DLG2: variants seen among roughly 807,000 people sequenced by gnomAD.
DLG2 encodes the protein disks large homolog 2.
A neutral mutation model predicts 132.5 loss-of-function variants in DLG2; 45 were observed. The observed-to-expected ratio is 0.34, with a 90% CI of 0.27 to 0.44. The LOEUF (loss-of-function observed/expected upper bound fraction) is 0.44. DLG2 is among the 20% of genes least tolerant of loss of function. DLG2 has a pLI of 1.00. For synonymous variants in DLG2, 424 were observed against 419.6 expected, an observed-to-expected ratio of 1.01 and a Z score of -0.13; for missense variants, 1,045 against 1,196.9, an observed-to-expected ratio of 0.87 and a Z score of 1.87.
At chr11:85,391,356 C>T (rs1221512986) in intron 3 of DLG2, among the ~76,000 whole-genome samples, 1 of 152,032 alleles carries the variant, frequency 6.6e-6, no homozygotes, top group East Asian at 1.9e-4. Flanking sequence ...TGAATTATAT[C>T]AGACATTCAA....
intron 6 of DLG2, among the ~76,000 whole-genome samples, chr11:84,819,409 C>T (rs1477615975): frequency 2.0e-5 from 3 of 151,844 alleles, no homozygotes; most frequent in Non-Finnish European, 4.4e-5. Flanking sequence ...AGAGAAAAGC[C>T]TTCACCAGTC....
intron 7 of DLG2, among the ~76,000 whole-genome samples, chr11:84,473,873 T>C (rs915944205): frequency 9.2e-5 from 14 of 152,072 alleles, no homozygotes; most frequent in Non-Finnish European, 1.6e-4. Context: ...TAAAAGCAAT[T>C]ATTTCTCCAA....
intron 3 of DLG2, among the ~76,000 whole-genome samples, chr11:85,286,294 T>C (rs1361078257): frequency 6.6e-6 from 1 of 152,098 alleles, no homozygotes; most frequent in Non-Finnish European, 1.5e-5. Context: ...TACTGTTCTA[T>C]AGAAAGTTAC....
intron 19 of DLG2, among the ~76,000 whole-genome samples, chr11:83,548,220 G>A (rs1391858644): frequency 1.3e-5 from 2 of 152,180 alleles, no homozygotes; most frequent in South Asian, 2.1e-4. Context: ...AGATGTTCAC[G>A]CCTGAATCTC....
At chr11:84,910,330 G>A (rs1203713999) in intron 6 of DLG2, among the ~76,000 whole-genome samples, 1 of 152,088 alleles carries the variant, frequency 6.6e-6, no homozygotes, top group Non-Finnish European at 1.5e-5. Flanking sequence ...TTTCTTTAAT[G>A]TATTTTGAAT....
rs568062094 is a variant in DLG2 at position 84,221,307 on chromosome 11, T to G, written c.573+29931A>C. The stretch of plus-strand genomic sequence containing the variant: ...AGTGAAACCCCATCTATACTAAAAA[T>G]ACAAAAATTAGCCAGGCATGGTGGC... On this transcript the variant is annotated intron_variant, in intron 8 of 27. Coordinates refer to ENST00000376104, the MANE Select transcript of DLG2 (RefSeq NM_001142699.3). Among the ~76,000 whole-genome samples, 3 of 151,868 alleles carry G rather than the reference T, an allele frequency of 2.0e-5. No homozygotes were observed. In the East Asian group the frequency reaches 5.8e-4, roughly 30 times the overall value.
At chr11:84,875,759 G>A (rs568653078) in intron 6 of DLG2, among the ~76,000 whole-genome samples, 1 of 151,484 alleles carries the variant, frequency 6.6e-6, no homozygotes, top group Admixed American at 6.6e-5. Context: ...TTTTTGAGAT[G>A]GAGTTTCACT....
intron 7 of DLG2, among the ~76,000 whole-genome samples, chr11:84,387,380 G>A (rs1383959837): frequency 6.6e-6 from 1 of 151,826 alleles, no homozygotes; most frequent in Non-Finnish European, 1.5e-5. Flanking sequence ...TAAGAAATTG[G>A]TTATATAGAA....
At chr11:84,992,102 T>A (rs898542860) in intron 6 of DLG2, among the ~76,000 whole-genome samples, 11 of 152,196 alleles carry the variant, frequency 7.2e-5, no homozygotes, top group Admixed American at 2.6e-4. Flanking sequence ...CCTTCATTCA[T>A]CCCTCCTAAC....
chr11:84,929,552 G>C (rs978191322), intron 6 of DLG2, among the ~76,000 whole-genome samples: 2 of 152,006 alleles, frequency 1.3e-5, no homozygotes, highest in African/African-American at 2.4e-5. Context: ...GCTACACAAA[G>C]CTTAAAAGCA....
At chr11:84,352,389 G>C (rs1342566495) in intron 7 of DLG2, among the ~76,000 whole-genome samples, 3 of 152,170 alleles carry the variant, frequency 2.0e-5, no homozygotes, top group Non-Finnish European at 4.4e-5. Context: ...ACACTATTAA[G>C]TGACTCTATG....
chr11:83,965,331 A>C lies in DLG2; in HGVS notation c.1194T>G (p.Ile398Met). 1 of 1,607,018 alleles carries C rather than the reference A, an allele frequency of 6.2e-7. No homozygotes were observed. The highest frequency in any genetic ancestry group is 1.1e-5 in the South Asian group (1 of 89,834). The change falls in exon 13 of 28, where the codon ATT becomes ATG. Residue 398 changes from isoleucine (I) to methionine (M), a missense_variant. Around this residue, in one of 4 missense-constraint regions of DLG2, gnomAD observed 261 missense variants for 256.1 expected, o/e 1.02. Transcript: ENST00000376104. ...GATGACAATGGTACTTACAGTGAGT[A>C]ATATCAGGTGGACCATAAGGATCAG... ...YMTDPYGPPD[I>M]THSYSPPMEN...
At chr11:84,190,837 T>C (rs940862590) in intron 8 of DLG2, among the ~76,000 whole-genome samples, 2 of 152,166 alleles carry the variant, frequency 1.3e-5, no homozygotes, top group African/African-American at 2.4e-5. Flanking sequence ...TAAGTTTCTC[T>C]CAAGATTTCA....
At chr11:85,207,325 C>T (rs1026763695) in intron 4 of DLG2, among the ~76,000 whole-genome samples, 3 of 152,186 alleles carry the variant, frequency 2.0e-5, no homozygotes, top group Admixed American at 1.3e-4. Context: ...CCCAGCCTAC[C>T]TTCCAGGTAT....
intron 3 of DLG2, among the ~76,000 whole-genome samples, chr11:85,593,457 G>C (rs1364726545): frequency 6.6e-6 from 1 of 152,148 alleles, no homozygotes; most frequent in Non-Finnish European, 1.5e-5. Context: ...TTCTAACCAA[G>C]TTCACAGGTG....
chr11:83,884,862 T>A (rs1269066949), intron 15 of DLG2, among the ~76,000 whole-genome samples: 1 of 151,976 alleles, frequency 6.6e-6, no homozygotes. Flanking sequence ...TCTAGCAAAC[T>A]CCAACAGACC....
chr11:83,485,338 C>T (rs11233637), intron 21 of DLG2, among the ~76,000 whole-genome samples: 29,018 of 152,042 alleles, frequency 0.19, 2,953 homozygotes, highest in Middle Eastern at 0.21. Context: ...TGGGGTTTCT[C>T]TTTGGGAAAT....
chr11:85,385,754 A>G (rs1339031114), intron 3 of DLG2, among the ~76,000 whole-genome samples: 1 of 152,214 alleles, frequency 6.6e-6, no homozygotes, highest in African/African-American at 2.4e-5. Flanking sequence ...ATGATGCAAG[A>G]AAGAAAGAGA....
intron 6 of DLG2, among the ~76,000 whole-genome samples, chr11:84,750,056 C>T (rs968422925): frequency 6.6e-6 from 1 of 152,034 alleles, no homozygotes; most frequent in African/African-American, 2.4e-5. Context: ...AAATATATGC[C>T]ACCTTTTTCA....
Sources: gnomAD v4.1 joint callset for allele counts (sites outside exome capture counted in the v4.1 genomes callset) on GRCh38, gnomAD v4.1.1 for gene constraint, gnomAD v4.1.1 regional missense constraint, MANE v1.5 for transcripts, NCBI Gene and HGNC (gene_info 2026-07-23, HGNC 2026-07-21) for gene names.